MME: variants seen among roughly 807,000 people sequenced by gnomAD.
MME encodes the protein membrane metalloendopeptidase, also known as neprilysin.
MME carries 98 observed loss-of-function variants against 113.2 expected under a neutral mutation model. The ratio of observed to expected loss-of-function variants is 0.87; its 90% CI spans 0.74 to 1.02. The LOEUF (loss-of-function observed/expected upper bound fraction) is 1.02, where lower values mean the gene tolerates loss of function less well. MME is among the 50% of genes least tolerant of loss of function. MME has a pLI of 0.00. For missense variants in MME, 836 were observed against 896.0 expected, an observed-to-expected ratio of 0.93 and a Z score of 0.86; for synonymous variants, 292 against 300.6, an observed-to-expected ratio of 0.97 and a Z score of 0.30.
At chr3:155,075,394 C>T (rs1714713306), upstream of MME, among the ~76,000 whole-genome samples, 1 of 152,022 alleles carries the variant, frequency 6.6e-6, no homozygotes, top group Non-Finnish European at 1.5e-5. Context: ...TGTCTTCTAA[C>T]TGGAGAATTT....
At chr3:155,068,568 C>T (rs564836646) in intron 1 of MME, among the ~76,000 whole-genome samples, 1 of 152,240 alleles carries the variant, frequency 6.6e-6, no homozygotes, top group African/African-American at 2.4e-5. Context: ...TTTTTTGTTT[C>T]TATACTTTTA....
At chr3:155,107,125 G>A (rs1172305741) in intron 3 of MME, among the ~76,000 whole-genome samples, 1 of 152,202 alleles carries the variant, frequency 6.6e-6, no homozygotes, top group East Asian at 1.9e-4. Flanking sequence ...GGAGACTGAG[G>A]CGGGTGGATC....
At chr3:155,040,275 G>A (rs1468269252) in intron 1 of MME, among the ~76,000 whole-genome samples, 2 of 152,090 alleles carry the variant, frequency 1.3e-5, no homozygotes, top group Admixed American at 1.3e-4. Flanking sequence ...CATCATCTCT[G>A]GCCGCTACCT....
At chr3:155,142,495 A>G (rs1721190706) in intron 12 of MME, among the ~76,000 whole-genome samples, 165 bp downstream of exon 12, 1 of 152,122 alleles carries the variant, frequency 6.6e-6, no homozygotes, top group Non-Finnish European at 1.5e-5. Context: ...AGGAAGATAA[A>G]TCTTCATGGG....
At chr3:155,169,543 A>G (rs1355169933) in intron 20 of MME, among the ~76,000 whole-genome samples, 1 of 152,190 alleles carries the variant, frequency 6.6e-6, no homozygotes, top group Non-Finnish European at 1.5e-5. Context: ...TGCATAAGAA[A>G]AAGCAGGGAA....
At chr3:155,147,634 C>T (rs988770827) in intron 15 of MME, among the ~76,000 whole-genome samples, 7 of 152,104 alleles carry the variant, frequency 4.6e-5, no homozygotes, top group Non-Finnish European at 1.0e-4. Flanking sequence ...AAAAACAAAA[C>T]AAAACAAACC....
upstream of MME, among the ~76,000 whole-genome samples, chr3:155,078,447 G>A (rs1714846738): frequency 6.6e-6 from 1 of 151,992 alleles, no homozygotes; most frequent in African/African-American, 2.4e-5. Context: ...TAGCTTTTTG[G>A]GGAAATGTCT....
chr3:155,088,416 G>T (rs535023824), intron 3 of MME, among the ~76,000 whole-genome samples: 54 of 152,314 alleles, frequency 3.5e-4, no homozygotes, highest in African/African-American at 1.2e-3. Flanking sequence ...GGGCACGGTG[G>T]CTCACGCCTG....
chr3:155,124,663 T>C (rs1719446449), intron 8 of MME, among the ~76,000 whole-genome samples: 1 of 151,582 alleles, frequency 6.6e-6, no homozygotes, highest in Non-Finnish European at 1.5e-5. Flanking sequence ...TGCAGGTCTG[T>C]TGGAATACCC....
At chr3:155,061,044 G>A (rs896007435) in intron 1 of MME, among the ~76,000 whole-genome samples, 1 of 152,130 alleles carries the variant, frequency 6.6e-6, no homozygotes, top group African/African-American at 2.4e-5. Flanking sequence ...ATCAGTTAGA[G>A]GGCTAAAGAC....
intron 2 of MME, among the ~76,000 whole-genome samples, chr3:155,084,619 C>T (rs1399476852): frequency 1.3e-5 from 2 of 152,212 alleles, no homozygotes; most frequent in East Asian, 3.9e-4. Context: ...AATTTTATGG[C>T]CAGCTTTAGT....
chr3:155,179,887 G>A (rs1204976935), intron 22 of MME, among the ~76,000 whole-genome samples: 1 of 152,128 alleles, frequency 6.6e-6, no homozygotes, highest in African/African-American at 2.4e-5. Context: ...TCTATTTAAA[G>A]TCTATTATAT....
intron 16 of MME, among the ~76,000 whole-genome samples, chr3:155,159,771 C>T (rs571654978): frequency 3.1e-4 from 47 of 151,992 alleles, no homozygotes; most frequent in Middle Eastern, 3.4e-3. Context: ...ACAGACAGAC[C>T]GACAAATCTA....
Position 155,042,932 on chromosome 3 carries a change from A to ATG in MME, c.-11+18609_-11+18610insGT, listed in dbSNP as rs1553749800. On this transcript the variant is annotated intron_variant, in intron 1 of 22. Transcript: ENST00000492661. ...TATATATATATATATATATATATAT[A>ATG]TATATATGTATATATATATATATAT... Among the ~76,000 whole-genome samples, 64 of 63,404 alleles carry ATG rather than the reference A, an allele frequency of 1.0e-3. 2 individuals are homozygous for ATG. The highest frequency in any genetic ancestry group is 3.8e-3 in the South Asian group (7 of 1,844). 41.6% of individuals were successfully genotyped at this position (63,404 alleles called of 152,430 possible). A position where few individuals can be genotyped will look rare whatever the true frequency, so the allele number is the denominator to read the frequency against.
At chr3:155,063,704 T>TATATA (rs1714276553) in intron 1 of MME, among the ~76,000 whole-genome samples, 1 of 134,582 alleles carries the variant, frequency 7.4e-6, no homozygotes, top group African/African-American at 2.7e-5. Flanking sequence ...TATATTATAT[T>TATATA]ATATTATATT....
intron 3 of MME, among the ~76,000 whole-genome samples, chr3:155,111,994 C>T (rs975856864): frequency 3.3e-5 from 5 of 151,638 alleles, no homozygotes; most frequent in African/African-American, 9.7e-5. Flanking sequence ...TCACCTTTCC[C>T]GTTACCATAT....
At chr3:155,026,366 T>A (rs1325423217) in intron 1 of MME, among the ~76,000 whole-genome samples, 1 of 152,148 alleles carries the variant, frequency 6.6e-6, no homozygotes, top group Non-Finnish European at 1.5e-5. Flanking sequence ...TGGCTTTTTT[T>A]ATTGTTATTA....
Position 155,084,317 on chromosome 3 carries a change from A to G in MME, c.150A>G (p.Ala50=). 6.2e-7 allele frequency: 1 copy of G among 1,614,186 alleles called. No homozygotes were observed. Among genetic ancestry groups the G allele is most frequent in the Non-Finnish European group, 8.5e-7 (1 of 1,180,036 alleles). Residue 50 remains alanine (A), a synonymous_variant, in exon 2 of 23, where the codon GCA becomes GCG. Coordinates refer to ENST00000360490, the MANE Select transcript of MME (RefSeq NM_007289.4). ...IIAVTMIALY[A]TYDDGICKSS... ...CTGTGACAATGATCGCACTCTATGCAACCTACGATGGTGAGTTACTCCCAC... is the reference window on the plus strand; with the variant it reads ...CTGTGACAATGATCGCACTCTATGCGACCTACGATGGTGAGTTACTCCCAC...
At chr3:155,155,286 C>T (rs914240562) in intron 16 of MME, among the ~76,000 whole-genome samples, 1 of 152,122 alleles carries the variant, frequency 6.6e-6, no homozygotes, top group Non-Finnish European at 1.5e-5. Flanking sequence ...CATCTTCAAA[C>T]AACACAATTA....
Sources: gnomAD v4.1 joint callset for allele counts (sites outside exome capture counted in the v4.1 genomes callset) on GRCh38, gnomAD v4.1.1 for gene constraint, MANE v1.5 for transcripts, NCBI Gene and HGNC (gene_info 2026-07-23, HGNC 2026-07-21) for gene names.